Variants in SIK3 observed in about 807,000 individuals in gnomAD.
SIK3 encodes the protein serine/threonine-protein kinase SIK3.
SIK3 carries 28 observed loss-of-function variants against 144.2 expected under a neutral mutation model. That is an observed-to-expected ratio of 0.19 (90% CI 0.14 to 0.27). SIK3 has a LOEUF of 0.27. Ranked by LOEUF, SIK3 falls within the 10% of genes least tolerant of loss-of-function variation. SIK3 has a pLI of 1.00. For synonymous variants in SIK3, 686 were observed against 676.3 expected (o/e 1.01, Z -0.22); for missense variants, 1,319 against 1,776.0 (o/e 0.74, Z 4.62).
chr11:116,916,461 T>G (rs1239456277), intron 4 of SIK3, among the ~76,000 whole-genome samples: 3 of 152,074 alleles, frequency 2.0e-5, no homozygotes. Flanking sequence ...AAAGTCAGCC[T>G]CACTCTTTTT....
intron 1 of SIK3, among the ~76,000 whole-genome samples, chr11:116,988,485 G>A (rs1348611552): frequency 6.6e-6 from 1 of 151,926 alleles, no homozygotes; most frequent in Non-Finnish European, 1.5e-5. Flanking sequence ...AACATTATAA[G>A]AGAAAAAACA....
At chr11:116,876,462 T>G (rs1944260986) in intron 7 of SIK3, 99 bp from the exon 8 acceptor site, 1 of 1,009,814 alleles carries the variant, frequency 9.9e-7, no homozygotes, top group Non-Finnish European at 1.5e-6. Context: ...CCCTCTGGCT[T>G]GGGATATTTT....
chr11:116,981,645 T>C (rs1418607622), intron 1 of SIK3, among the ~76,000 whole-genome samples: 4 of 152,180 alleles, frequency 2.6e-5, no homozygotes, highest in Admixed American at 1.3e-4. Context: ...AACCAACTCA[T>C]AGTTGCTTAT....
chr11:116,998,462 C>T lies in SIK3; in HGVS notation c.274-41398G>A, dbSNP rs559236027. 1.4e-4 allele frequency among the ~76,000 whole-genome samples: 14 copies of T among 100,262 alleles called. No homozygotes were observed. The South Asian group carries it at 3.7e-3, about 27-fold the overall frequency. The allele number at this position is 100,262 out of a possible 152,430, so 65.8% of individuals were successfully genotyped here. On this transcript the variant is annotated intron_variant, in intron 1 of 24. Coordinates refer to ENST00000445177, the MANE Select transcript of SIK3 (RefSeq NM_001366686.3). ...CTCCAGCATGGGCGAAAGAACAAGA[C>T]TCCGTCTTAAAAAAAAAAAAAAAAA...
At chr11:117,038,943 G>A (rs752826969) in intron 1 of SIK3, among the ~76,000 whole-genome samples, 1 of 151,902 alleles carries the variant, frequency 6.6e-6, no homozygotes, top group Non-Finnish European at 1.5e-5. Flanking sequence ...CCAGCTACTC[G>A]GGAGGCTGAG....
At chr11:116,866,691 C>T (rs1323842380) in intron 15 of SIK3, among the ~76,000 whole-genome samples, 2 of 152,116 alleles carry the variant, frequency 1.3e-5, no homozygotes, top group African/African-American at 2.4e-5. Context: ...CCACCCGCCT[C>T]GGCCTCCCAA....
intron 1 of SIK3, among the ~76,000 whole-genome samples, chr11:117,032,490 T>G (rs553232172): frequency 3.7e-4 from 56 of 151,440 alleles, no homozygotes; most frequent in African/African-American, 1.2e-3. Context: ...TTGATTTTTG[T>G]TTTTTTGTTT....
In SIK3 at chr11:116,867,330, A is replaced by G. The variant is rs518547; in HGVS notation, c.1952+616T>C. Among the ~76,000 whole-genome samples the G allele has an allele frequency of 0.15, 23,004 of 152,192 alleles. 2,292 individuals carry two copies. Among genetic ancestry groups the G allele is most frequent in the Middle Eastern group, 0.23 (68 of 294 alleles). ...CTGCTTCCAGGCTTACTTGGAGTCA[A>G]TGAAGTTTTCTTGGTCAGGAAGGTT... is the stretch of plus-strand genomic sequence containing the variant. On this transcript the variant is annotated intron_variant, in intron 15 of 24. Coordinates refer to ENST00000445177, the MANE Select transcript of SIK3 (RefSeq NM_001366686.3). The surrounding 1 kb of genome is among the most constrained non-coding windows in gnomAD (Gnocchi z 4.1).
At position 116,849,162 on chromosome 11, in the gene SIK3, G is replaced by T; in HGVS notation, c.3777C>A (p.Ala1259=). The T allele has an allele frequency of 6.2e-7, 1 of 1,612,182 alleles. No homozygotes were observed. Among genetic ancestry groups the T allele is most frequent in the African/African-American group, 1.3e-5 (1 of 74,990 alleles). Residue 1259 remains alanine (A), a synonymous_variant, in exon 22 of 25, where the codon GCC becomes GCA. Coordinates refer to ENST00000445177, the MANE Select transcript of SIK3 (RefSeq NM_001366686.3). The surrounding 1 kb of genome is among the most constrained non-coding windows in gnomAD (Gnocchi z 4.2). ...TCTGGATCGTGTGGTGTCTCTGGAGGGCCCGGGGCCTGTGGTGCTCATGGA... is the reference window on the plus strand; with the variant it reads ...TCTGGATCGTGTGGTGTCTCTGGAGTGCCCGGGGCCTGTGGTGCTCATGGA... ...PSVHEHHRPR[A]LQRHHTIQNS...
intron 9 of SIK3, 139 bp from the exon 10 acceptor site, chr11:116,875,590 C>A: frequency 1.1e-6 from 1 of 943,802 alleles, no homozygotes; most frequent in Non-Finnish European, 1.6e-6. Context: ...TTAGAAGTCA[C>A]AACAAGGAAG....
intron 13 of SIK3, 141 bp downstream of exon 13, chr11:116,873,340 G>T: frequency 8.8e-7 from 1 of 1,141,446 alleles, no homozygotes; most frequent in Non-Finnish European, 1.2e-6. Context: ...CTGGCCTGAA[G>T]AAAATGGGCT....
At chr11:116,955,288 C>T (rs1014385119) in intron 2 of SIK3, among the ~76,000 whole-genome samples, 2 of 152,142 alleles carry the variant, frequency 1.3e-5, no homozygotes, top group Admixed American at 1.3e-4. Flanking sequence ...ATCCCAGCTA[C>T]TTGGAAGGCT....
intron 4 of SIK3, among the ~76,000 whole-genome samples, chr11:116,903,347 G>A (rs913497295): frequency 6.6e-6 from 1 of 152,168 alleles, no homozygotes; most frequent in Non-Finnish European, 1.5e-5. Context: ...GATGTACTAG[G>A]GGAATGCTGG....
At chr11:116,918,290 C>A (rs914807216) in intron 4 of SIK3, among the ~76,000 whole-genome samples, 2 of 152,116 alleles carry the variant, frequency 1.3e-5, no homozygotes, top group Non-Finnish European at 2.9e-5. Flanking sequence ...AGGTCAGAAG[C>A]GCATGCCATC....
intron 1 of SIK3, among the ~76,000 whole-genome samples, chr11:116,967,017 A>AAAAAAAAAAG (rs555732125): frequency 1.4e-5 from 2 of 147,510 alleles, no homozygotes; most frequent in Non-Finnish European, 3.0e-5. Flanking sequence ...AAAAAAAAGA[A>AAAAAAAAAAG]AAAGAAAAAG....
chr11:117,012,117 G>A (rs989321018), intron 1 of SIK3, among the ~76,000 whole-genome samples: 5 of 151,890 alleles, frequency 3.3e-5, no homozygotes, highest in African/African-American at 4.8e-5. Context: ...GGGACTACAC[G>A]CATGTACCCC....
At chr11:117,046,673 G>A (rs1297801711) in intron 1 of SIK3, among the ~76,000 whole-genome samples, 1 of 152,140 alleles carries the variant, frequency 6.6e-6, no homozygotes, top group Non-Finnish European at 1.5e-5. Flanking sequence ...GGGCCAAGGA[G>A]TTCAAGACCA....
intron 1 of SIK3, among the ~76,000 whole-genome samples, chr11:116,983,716 C>T (rs1462469262): frequency 6.6e-6 from 1 of 152,154 alleles, no homozygotes; most frequent in Non-Finnish European, 1.5e-5. Context: ...ATGTTTTAAA[C>T]ACTATTGGGA....
intron 1 of SIK3, among the ~76,000 whole-genome samples, chr11:116,987,363 T>C (rs1318546656): frequency 1.3e-5 from 2 of 150,210 alleles, no homozygotes. Context: ...TTCTAAGGTA[T>C]ATTTTGGGGG....
Sources: allele counts gnomAD v4.1 joint callset (sites outside exome capture counted in the v4.1 genomes callset), GRCh38; gene constraint gnomAD v4.1.1; non-coding constraint Gnocchi (gnomAD v3.1); transcripts MANE v1.5; gene names NCBI Gene and HGNC (gene_info 2026-07-23, HGNC 2026-07-21).